HS3ST3A1: variants seen among roughly 807,000 people sequenced by gnomAD.
HS3ST3A1 encodes heparan sulfate-glucosamine 3-sulfotransferase 3A1.
HS3ST3A1 carries 19 observed loss-of-function variants against 25.7 expected under a neutral mutation model. The observed-to-expected ratio is 0.74, with a 90% CI of 0.52 to 1.08. The LOEUF is 1.08. HS3ST3A1 is among the 50% of genes least tolerant of loss of function. The pLI is 0.00. For missense variants in HS3ST3A1, 459 were observed against 594.3 expected, an observed-to-expected ratio of 0.77 and a Z score of 2.37; for synonymous variants, 226 against 278.6, an observed-to-expected ratio of 0.81 and a Z score of 1.88.
At chr17:13,574,938 C>T (rs186770591) in intron 1 of HS3ST3A1, among the ~76,000 whole-genome samples, 181 of 152,130 alleles carry the variant, frequency 1.2e-3, no homozygotes, top group African/African-American at 4.2e-3. Context: ...CAAAATATCC[C>T]CTATAGTCAA....
chr17:13,515,863 A>G (rs990759235), intron 1 of HS3ST3A1, among the ~76,000 whole-genome samples: 1 of 152,156 alleles, frequency 6.6e-6, no homozygotes, highest in Admixed American at 6.5e-5. Flanking sequence ...GTGGTATCAC[A>G]TGGTGGTTTT....
At chr17:13,596,657 T>TC (rs1312516623) in intron 1 of HS3ST3A1, among the ~76,000 whole-genome samples, 1 of 152,156 alleles carries the variant, frequency 6.6e-6, no homozygotes, top group Non-Finnish European at 1.5e-5. Context: ...CCTCATCTAT[T>TC]CCCAATGTTC....
chr17:13,532,071 C>A (rs1176559167), intron 1 of HS3ST3A1, among the ~76,000 whole-genome samples: 2 of 152,158 alleles, frequency 1.3e-5, no homozygotes, highest in Non-Finnish European at 2.9e-5. Flanking sequence ...GTAGTTAGAG[C>A]TCAAAATCAA....
intron 1 of HS3ST3A1, among the ~76,000 whole-genome samples, chr17:13,557,191 G>A (rs1259950050): frequency 5.3e-5 from 8 of 152,306 alleles, no homozygotes; most frequent in South Asian, 4.1e-4. Context: ...GATGCCCTGC[G>A]ATTCCGCCTC....
intron 1 of HS3ST3A1, among the ~76,000 whole-genome samples, chr17:13,554,423 CTCACAAGGGGAATGGGAAAT>C (rs1907319977): frequency 6.6e-6 from 1 of 152,306 alleles, no homozygotes; most frequent in Middle Eastern, 3.4e-3. Context: ...AATAAAAGTG[CTCACAAGGGGAATGGGAAAT>C]TCACAAAGTT....
In HS3ST3A1 at chr17:13,566,019, A is replaced by G. The variant is rs1907666315; in HGVS notation, c.599+34512T>C. On this transcript the variant is annotated intron_variant, in intron 1 of 1. Transcript: ENST00000284110. ...TCCTCTGCTGTTCAGTAAGTTTATC[A>G]TTTATCTTTTAGTTATTACAGGCAT... 3.3e-5 allele frequency among the ~76,000 whole-genome samples: 5 copies of G among 152,074 alleles called. No individual in the cohort carries two copies. The South Asian group carries it at 6.2e-4, about 19-fold the overall frequency.
chr17:13,568,195 T>C (rs995272025), intron 1 of HS3ST3A1, among the ~76,000 whole-genome samples: 1 of 152,234 alleles, frequency 6.6e-6, no homozygotes, highest in Non-Finnish European at 1.5e-5. Context: ...AGCTGATCAT[T>C]AGTACTTTGT....
chr17:13,544,132 T>C (rs1230030570), intron 1 of HS3ST3A1, among the ~76,000 whole-genome samples: 1 of 152,242 alleles, frequency 6.6e-6, no homozygotes, highest in Admixed American at 6.5e-5. Flanking sequence ...AAATATATAA[T>C]GCTTTCCATT....
intron 1 of HS3ST3A1, among the ~76,000 whole-genome samples, chr17:13,498,470 C>T (rs1255634544): frequency 1.3e-5 from 2 of 152,214 alleles, no homozygotes; most frequent in South Asian, 2.1e-4. Context: ...TCCCCAAAGC[C>T]AGCCATAAAA....
rs67523378 is a variant in HS3ST3A1, at chr17:13,512,305, C to CAAAAAAAAA, written c.600-15496_600-15488dup. Among the ~76,000 whole-genome samples the CAAAAAAAAA allele has an allele frequency of 1.2e-3, 101 of 82,068 alleles. 2 individuals carry two copies. Among genetic ancestry groups the CAAAAAAAAA allele is most frequent in the African/African-American group, 1.7e-3 (28 of 16,778 alleles). The allele number at this position is 82,068 out of a possible 152,430, so 53.8% of individuals were successfully genotyped here. The stretch of plus-strand genomic sequence containing the variant: ...TGGGCGACAGAGCGAGACTCCGTCT[C>CAAAAAAAAA]AAAAAAAAAAAAAAAAAAAAAACTG... On this transcript the variant is annotated intron_variant, in intron 1 of 1. Coordinates refer to ENST00000284110, the MANE Select transcript of HS3ST3A1 (RefSeq NM_006042.3).
chr17:13,562,379 A>G (rs1907572147), intron 1 of HS3ST3A1, among the ~76,000 whole-genome samples: 1 of 152,044 alleles, frequency 6.6e-6, no homozygotes, highest in Admixed American at 6.5e-5. Context: ...AACATTTCAC[A>G]TCCTGTCACC....
chr17:13,566,306 C>T (rs544843118), intron 1 of HS3ST3A1, among the ~76,000 whole-genome samples: 2 of 152,232 alleles, frequency 1.3e-5, no homozygotes, highest in Admixed American at 6.5e-5. Context: ...CCTCAAACCA[C>T]GCCCATAGAA....
intron 1 of HS3ST3A1, among the ~76,000 whole-genome samples, chr17:13,583,098 G>A (rs913606647): frequency 2.0e-5 from 3 of 152,256 alleles, no homozygotes; most frequent in Middle Eastern, 3.4e-3. Context: ...CATGAGACGC[G>A]GGAGACGTAG....
At chr17:13,598,552 C>T (rs185866820) in intron 1 of HS3ST3A1, among the ~76,000 whole-genome samples, 2 of 152,196 alleles carry the variant, frequency 1.3e-5, no homozygotes, top group East Asian at 3.9e-4. Flanking sequence ...TTGTGACCAC[C>T]ATAAATTGCT....
chr17:13,574,975 A>T (rs1907914463), intron 1 of HS3ST3A1, among the ~76,000 whole-genome samples: 1 of 152,102 alleles, frequency 6.6e-6, no homozygotes, highest in Admixed American at 6.5e-5. Context: ...CCATCCTGTA[A>T]TGCATCCACA....
chr17:13,547,581 T>C (rs1907123062), intron 1 of HS3ST3A1, among the ~76,000 whole-genome samples: 1 of 152,166 alleles, frequency 6.6e-6, no homozygotes, highest in African/African-American at 2.4e-5. Flanking sequence ...CATGGGAAGA[T>C]CCATGCCCTT....
chr17:13,593,462 CAA>C lies in HS3ST3A1; in HGVS notation c.599+7067_599+7068del, dbSNP rs530828969. Reference sequence around the variant, plus strand: ...ACTGTCTCTGTGCTTGGTTCGGAAACAAGAGAGTAGGAGGGAGCCGTGAGCCA... The same window carrying C: ...ACTGTCTCTGTGCTTGGTTCGGAAACGAGAGTAGGAGGGAGCCGTGAGCCA... On this transcript the variant is annotated intron_variant, in intron 1 of 1. Coordinates refer to ENST00000284110, the MANE Select transcript of HS3ST3A1 (RefSeq NM_006042.3). Among the ~76,000 whole-genome samples, 25 of 152,100 alleles carry C rather than the reference CAA, an allele frequency of 1.6e-4. 1 individual carries two copies. The South Asian group carries it at 3.7e-3, about 23-fold the overall frequency.
At chr17:13,588,835 C>T (rs1051013193) in intron 1 of HS3ST3A1, among the ~76,000 whole-genome samples, 1 of 152,148 alleles carries the variant, frequency 6.6e-6, no homozygotes, top group Non-Finnish European at 1.5e-5. Flanking sequence ...AGGCGCCCAC[C>T]ACCACGCCCA....
intron 1 of HS3ST3A1, among the ~76,000 whole-genome samples, chr17:13,560,414 T>C (rs1451939138): frequency 6.6e-6 from 1 of 151,790 alleles, no homozygotes; most frequent in African/African-American, 2.4e-5. Context: ...ATATTCTTTC[T>C]GAACTGTAAC....
Sources: gnomAD v4.1 joint callset for allele counts (sites outside exome capture counted in the v4.1 genomes callset) on GRCh38, gnomAD v4.1.1 for gene constraint, MANE v1.5 for transcripts, NCBI Gene and HGNC (gene_info 2026-07-23, HGNC 2026-07-21) for gene names.